The following ANKAR variants were observed in gnomAD, a reference collection of about 807,000 sequenced individuals.
ANKAR encodes ankyrin and armadillo repeat containing, also known as ankyrin and armadillo repeat-containing protein.
In ANKAR, 136 loss-of-function variants were observed where a neutral mutation model predicts 146.2. The observed-to-expected ratio is 0.93, with a 90% CI of 0.81 to 1.07. ANKAR has a LOEUF of 1.07. ANKAR is among the 50% of genes least tolerant of loss of function. ANKAR has a pLI of 0.00. For synonymous variants in ANKAR, 500 were observed against 575.8 expected, an observed-to-expected ratio of 0.87 and a Z score of 1.88; for missense variants, 1,567 against 1,679.9, an observed-to-expected ratio of 0.93 and a Z score of 1.18.
chr2:189,702,660 C>T (rs370587857), intron 7 of ANKAR, among the ~76,000 whole-genome samples: 2 of 152,184 alleles, frequency 1.3e-5, no homozygotes, highest in East Asian at 1.9e-4. Flanking sequence ...CCTTAAATGC[C>T]GGACCAGAAA....
At chr2:189,721,943 C>T (rs369281283) in intron 12 of ANKAR, among the ~76,000 whole-genome samples, 7 of 152,188 alleles carry the variant, frequency 4.6e-5, no homozygotes, top group Non-Finnish European at 1.0e-4. Context: ...GAACCTCTAT[C>T]GTGTGGTGAC....
chr2:189,710,936 A>G, intron 9 of ANKAR, 113 bp from the exon 10 acceptor site: 1 of 785,576 alleles, frequency 1.3e-6, no homozygotes, highest in East Asian at 2.6e-5. Context: ...GTTGGTGGTA[A>G]TAGTGGTGAC....
chr2:189,759,369 C>T (rs977485832), intron 18 of ANKAR, among the ~76,000 whole-genome samples: 2 of 152,186 alleles, frequency 1.3e-5, no homozygotes, highest in African/African-American at 2.4e-5. Context: ...CTGCCTCAGC[C>T]TCCCAAGTAG....
intron 10 of ANKAR, among the ~76,000 whole-genome samples, chr2:189,718,087 A>AC (rs1304537191): frequency 3.2e-4 from 2 of 6,282 alleles, no homozygotes; most frequent in African/African-American, 3.7e-4. Context: ...AAAGTATAAT[A>AC]AAAAAATAAA....
chr2:189,684,591 A>C (rs1338558076), intron 2 of ANKAR, among the ~76,000 whole-genome samples: 6 of 152,120 alleles, frequency 3.9e-5, no homozygotes, highest in African/African-American at 1.4e-4. Context: ...ACAGTGGCTC[A>C]CACTTGTAAT....
intron 20 of ANKAR, among the ~76,000 whole-genome samples, chr2:189,742,971 CA>C (rs1340685944): frequency 3.8e-4 from 48 of 127,128 alleles, no homozygotes; most frequent in East Asian, 7.0e-4. Flanking sequence ...CACACACACA[CA>C]CACACACACC....
In ANKAR at chr2:189,689,846, AG is replaced by A; in HGVS notation, c.922del (p.Asp308IlefsTer6). 6.2e-7 allele frequency: 1 copy of A among 1,603,992 alleles called. No homozygotes were observed. The highest frequency in any genetic ancestry group is 8.5e-7 in the Non-Finnish European group (1 of 1,175,634). Reference sequence around the variant, plus strand: ...TTCAAAAACACTTTGAGAAGAAAAAAGATATCAGAAGAGGGATAGGATACCT... The same window carrying A: ...TTCAAAAACACTTTGAGAAGAAAAAAATATCAGAAGAGGGATAGGATACCT... ...IIQKHFEKKK[D>X]IRRGIGYLKL... On this transcript the variant is annotated frameshift_variant, in exon 3 of 23. Transcript: ENST00000684021. LOFTEE classifies it high-confidence loss of function.
At chr2:189,710,007 T>C (rs1032513129) in intron 9 of ANKAR, among the ~76,000 whole-genome samples, 3 of 152,188 alleles carry the variant, frequency 2.0e-5, no homozygotes, top group Non-Finnish European at 4.4e-5. Context: ...GCTACTGCTG[T>C]TTTGCCTTGG....
At chr2:189,735,900 T>G (rs1181935662) in intron 17 of ANKAR, among the ~76,000 whole-genome samples, 3 of 152,206 alleles carry the variant, frequency 2.0e-5, no homozygotes, top group African/African-American at 7.2e-5. Flanking sequence ...GAAGAGAGGT[T>G]AGTGAGCATA....
chr2:189,746,547 G>C lies in ANKAR; in HGVS notation c.4225G>C (p.Val1409Leu), dbSNP rs1273271083. 6.2e-7 allele frequency: 1 copy of C among 1,613,552 alleles called. No individual in the cohort carries two copies. Among genetic ancestry groups the C allele is most frequent in the African/African-American group, 1.3e-5 (1 of 74,848 alleles). ...TACAATTACATCAGATATCACAAATGTATCAAGACCAAGAATAGTGTGTTT... is the reference window on the plus strand; with the variant it reads ...TACAATTACATCAGATATCACAAATCTATCAAGACCAAGAATAGTGTGTTT... ...SSTITSDITNVSRPRIVCLNQ... is the reference protein window; with the variant it reads ...SSTITSDITNLSRPRIVCLNQ... Residue 1409 changes from valine to leucine, a missense_variant, in exon 23 of 23, where the codon GTA becomes CTA. Transcript: ENST00000684021.
Position 189,729,715 on chromosome 2 carries a change from T to TGTGTGTGTGTGTGTGTGTGG in ANKAR, c.3194-779_3194-778insTGTGTGTGTGTGTGTGTGGG, listed in dbSNP as rs61101787. 7.3e-4 allele frequency among the ~76,000 whole-genome samples: 103 copies of TGTGTGTGTGTGTGTGTGTGG among 141,452 alleles called. 1 individual carries two copies. The highest frequency in any genetic ancestry group is 3.6e-3 in the Middle Eastern group (1 of 276). The allele number at this position is 141,452 out of a possible 152,430, so 92.8% of individuals were successfully genotyped here. A position where few individuals can be genotyped will look rare whatever the true frequency, so the allele number is the denominator to read the frequency against. On this transcript the variant is annotated intron_variant, in intron 15 of 22. Transcript: ENST00000684021. ...CTGTGCGTGTGTGTGTGTGTGTGTG[T>TGTGTGTGTGTGTGTGTGTGG]GGTGCGGGTGGGGGGTTTGTGGGGA...
rs768983640 is a variant in ANKAR, at chr2:189,706,991, T to C, written c.1964T>C (p.Ile655Thr). 1 of 1,613,744 alleles carries C rather than the reference T, an allele frequency of 6.2e-7. No individual in the cohort carries two copies. Among genetic ancestry groups the C allele is most frequent in the Non-Finnish European group, 8.5e-7 (1 of 1,179,846 alleles). The change falls in exon 9 of 23, where the codon ATT becomes ACT. Residue 655 changes from isoleucine to threonine, a missense_variant. By Grantham distance (89) the Ile-to-Thr change is moderately conservative (BLOSUM62 -1). Transcript: ENST00000684021. ...GCCACTTCAGGAGCACTGGACACTA[T>C]TCAATACCTGTTTTCTATCGGTGCT... ...LAATSGALDTIQYLFSIGANW... is the reference protein window; with the variant it reads ...LAATSGALDTTQYLFSIGANW...
rs576833875 is a variant in ANKAR at position 189,715,672 on chromosome 2, C to T, written c.2225-3900C>T. The stretch of plus-strand genomic sequence containing the variant: ...TTAGACCAATATCCCTGATGAACAT[C>T]GATGCAAAAATCCTCAGTAAAAAAC... On this transcript the variant is annotated intron_variant, in intron 10 of 22. Transcript: ENST00000684021. Among the ~76,000 whole-genome samples the T allele has an allele frequency of 1.2e-3, 182 of 152,234 alleles. 1 individual carries two copies. Among genetic ancestry groups the T allele is most frequent in the African/African-American group, 3.9e-3 (161 of 41,544 alleles).
intron 3 of ANKAR, 47 bp from the exon 4 acceptor site, chr2:189,692,208 T>C (rs1398450974): frequency 6.7e-7 from 1 of 1,490,606 alleles, no homozygotes; most frequent in East Asian, 2.3e-5. Flanking sequence ...AATATGACTT[T>C]ATGTGCTGTT....
At chr2:189,698,898 C>T (rs1335453602) in intron 7 of ANKAR, among the ~76,000 whole-genome samples, 6 of 152,302 alleles carry the variant, frequency 3.9e-5, no homozygotes, top group Middle Eastern at 3.4e-3. Flanking sequence ...CTGTCCCATC[C>T]GCCCTGTAGA....
intron 4 of ANKAR, chr2:189,692,789 C>T: frequency 3.9e-6 from 1 of 254,444 alleles, no homozygotes; most frequent in Non-Finnish European, 7.3e-6. Flanking sequence ...GAACAGAGAT[C>T]CTTTAAAATT....
downstream of ANKAR, chr2:189,747,324 G>A (rs1438601001): frequency 9.2e-6 from 1 of 109,276 alleles, no homozygotes; most frequent in African/African-American, 3.7e-5. Flanking sequence ...AGGTCAGAGA[G>A]TGAGACCCTG....
At chr2:189,756,362 G>A (rs2046087601) in intron 18 of ANKAR, among the ~76,000 whole-genome samples, 1 of 152,134 alleles carries the variant, frequency 6.6e-6, no homozygotes, top group African/African-American at 2.4e-5. Context: ...TTTACAATAT[G>A]AGAACTGGAG....
chr2:189,728,865 A>G, intron 15 of ANKAR, 44 bp downstream of exon 15: 3 of 1,560,670 alleles, frequency 1.9e-6, no homozygotes, highest in Non-Finnish European at 2.6e-6. Context: ...TGTAAGAACA[A>G]GAACAGATTG....
Sources: gnomAD v4.1 joint callset for allele counts (sites outside exome capture counted in the v4.1 genomes callset) on GRCh38, gnomAD v4.1.1 for gene constraint, MANE v1.5 for transcripts, NCBI Gene and HGNC (gene_info 2026-07-23, HGNC 2026-07-21) for gene names.